NCAPD3: variants seen among roughly 807,000 people sequenced by gnomAD.
NCAPD3 encodes the protein condensin-2 complex subunit D3.
Under a neutral mutation model 182.9 loss-of-function variants are expected in NCAPD3, and 105 were observed. That is an observed-to-expected ratio of 0.57 (90% CI 0.49 to 0.68). The LOEUF (loss-of-function observed/expected upper bound fraction) is 0.68, where lower values mean the gene tolerates loss of function less well. NCAPD3 is among the 30% of genes least tolerant of loss of function. NCAPD3 has a pLI of 0.00. For missense variants in NCAPD3, 1,944 were observed against 1,837.0 expected (o/e 1.06, Z -1.07); for synonymous variants, 815 against 679.9 (o/e 1.20, Z -3.09).
At position 134,191,009 on chromosome 11, in the gene NCAPD3, A is replaced by G. The variant is rs115634436; in HGVS notation, c.2045+1680T>C. ...CCATTTGAATAATTTTCTCCTAGTT[A>G]TTCCTCTACTTCTCCATACTTCTGA... is the stretch of plus-strand genomic sequence containing the variant. On this transcript the variant is annotated intron_variant, in intron 16 of 34. Transcript: ENST00000534548. 4.2e-3 allele frequency among the ~76,000 whole-genome samples: 637 copies of G among 152,276 alleles called. 4 individuals carry two copies. The highest frequency in any genetic ancestry group is 0.015 in the African/African-American group (610 of 41,556).
chr11:134,163,577 G>C (rs1943656153), intron 27 of NCAPD3, among the ~76,000 whole-genome samples: 1 of 151,926 alleles, frequency 6.6e-6, no homozygotes, highest in African/African-American at 2.4e-5. Flanking sequence ...GCTGGTGCCT[G>C]TAGTCCCAGC....
chr11:134,185,754 A>C (rs1411775190), intron 16 of NCAPD3, among the ~76,000 whole-genome samples: 1 of 152,158 alleles, frequency 6.6e-6, no homozygotes, highest in African/African-American at 2.4e-5. Flanking sequence ...CCCTCATAAA[A>C]TATTCCTTAA....
At chr11:134,164,822 G>T (rs183271109) in intron 27 of NCAPD3, among the ~76,000 whole-genome samples, 1 of 148,126 alleles carries the variant, frequency 6.8e-6, no homozygotes, top group African/African-American at 2.5e-5. Context: ...CTCATGAAAT[G>T]ACCTTAGGGG....
At chr11:134,181,052 A>G in intron 20 of NCAPD3, 25 bp downstream of exon 20, 1 of 1,537,842 alleles carries the variant, frequency 6.5e-7, no homozygotes, top group South Asian at 1.1e-5. Flanking sequence ...AGCGAAAAGA[A>G]TGGTTAGGAA....
intron 27 of NCAPD3, among the ~76,000 whole-genome samples, chr11:134,165,121 G>A (rs1463662562): frequency 4.0e-5 from 6 of 151,462 alleles, no homozygotes; most frequent in African/African-American, 1.5e-4. Flanking sequence ...ACTCACTTGT[G>A]AGATGAGCTT....
chr11:134,155,789 T>C (rs1943402142), intron 32 of NCAPD3, among the ~76,000 whole-genome samples: 2 of 146,394 alleles, frequency 1.4e-5, no homozygotes, highest in Admixed American at 1.4e-4. Flanking sequence ...ATCGCACCTG[T>C]CCACGACGCA....
intron 19 of NCAPD3, among the ~76,000 whole-genome samples, chr11:134,181,435 A>G (rs1180028972): frequency 6.6e-6 from 1 of 152,246 alleles, no homozygotes; most frequent in Non-Finnish European, 1.5e-5. Flanking sequence ...CATTTGCCCT[A>G]TAAGAGCAAA....
chr11:134,166,279 T>G (rs1162611423), intron 27 of NCAPD3, among the ~76,000 whole-genome samples: 1 of 6,774 alleles, frequency 1.5e-4, no homozygotes, highest in Non-Finnish European at 2.7e-4. Flanking sequence ...ACTCGTGAGA[T>G]GAGCTTAGGG....
In NCAPD3 at chr11:134,192,724, A is replaced by C; in HGVS notation, c.2010T>G (p.Leu670=). The C allele has an allele frequency of 6.2e-7, 1 of 1,614,250 alleles. No homozygotes were observed. Among genetic ancestry groups the C allele is most frequent in the Non-Finnish European group, 8.5e-7 (1 of 1,180,044 alleles). The change falls in exon 16 of 35, where the codon CTT becomes CTG. Residue 670 remains leucine (L), a synonymous_variant. Coordinates refer to ENST00000534548, the MANE Select transcript of NCAPD3 (RefSeq NM_015261.3). ...GGCTTTCGGTGGTGAGGAGAGTAAGAAGCGCCCAGGCGAGGACCTGGCTGT... is the reference window on the plus strand; with the variant it reads ...GGCTTTCGGTGGTGAGGAGAGTAAGCAGCGCCCAGGCGAGGACCTGGCTGT... ...GDDSQVLAWA[L]LTLLTTESQE... is the part of the protein sequence containing the mutation.
chr11:134,197,406 A>T (rs559864343), intron 13 of NCAPD3, among the ~76,000 whole-genome samples: 3 of 150,780 alleles, frequency 2.0e-5, no homozygotes, highest in Non-Finnish European at 4.4e-5. Flanking sequence ...CCTCCTAAGT[A>T]GCTGAGATTA....
At chr11:134,193,737 G>C (rs1259746183) in intron 15 of NCAPD3, among the ~76,000 whole-genome samples, 6 of 152,204 alleles carry the variant, frequency 3.9e-5, no homozygotes, top group Non-Finnish European at 8.8e-5. Flanking sequence ...CTGAGAAACA[G>C]AGCAGGACTC....
intron 24 of NCAPD3, 95 bp from the exon 25 acceptor site, chr11:134,169,149 T>C: frequency 8.0e-7 from 1 of 1,256,188 alleles, no homozygotes; most frequent in South Asian, 1.8e-5. Context: ...AGGAGAGCTG[T>C]ACATAAGCGT....
At chr11:134,158,597 G>A (rs918738081) in intron 29 of NCAPD3, 102 bp from the exon 30 acceptor site, 4 of 1,218,288 alleles carry the variant, frequency 3.3e-6, no homozygotes, top group East Asian at 4.8e-5. Context: ...ATGAGATTTT[G>A]ATACATGTGG....
chr11:134,171,505 T>C (rs1161986304), intron 24 of NCAPD3, among the ~76,000 whole-genome samples: 1 of 151,888 alleles, frequency 6.6e-6, no homozygotes, highest in Non-Finnish European at 1.5e-5. Context: ...GACTCAAGAG[T>C]TCATGCTGAA....
rs1357424707 is a variant in NCAPD3, at chr11:134,196,373, G to A, written c.1616-1635C>T. On this transcript the variant is annotated intron_variant, in intron 13 of 34. Coordinates refer to ENST00000534548, the MANE Select transcript of NCAPD3 (RefSeq NM_015261.3). Reference sequence around the variant, plus strand: ...GAAACTAAATTAGTGGCCAGGCGCGGTGGCTCACGCCTGTAATGCCAGCTC... The same window carrying A: ...GAAACTAAATTAGTGGCCAGGCGCGATGGCTCACGCCTGTAATGCCAGCTC... Among the ~76,000 whole-genome samples, 5 of 152,272 alleles carry A rather than the reference G, an allele frequency of 3.3e-5. No individual in the cohort carries two copies. The East Asian group carries it at 9.7e-4, about 29-fold the overall frequency.
Position 134,158,070 on chromosome 11 carries a change from G to A in NCAPD3, c.4035-3C>T, listed in dbSNP as rs1210610298. 1 of 1,612,978 alleles carries A rather than the reference G, an allele frequency of 6.2e-7. No individual in the cohort carries two copies. The highest frequency in any genetic ancestry group is 2.2e-5 in the East Asian group (1 of 44,864). ...CAATGGTGCTCAGGGACATGGGCCT[G>A]TGGAGAACAGCCACAGCCGCTGACT... On this transcript the variant is annotated splice_region_variant and splice_polypyrimidine_tract_variant and intron_variant, in intron 30 of 34. Coordinates refer to ENST00000534548, the MANE Select transcript of NCAPD3 (RefSeq NM_015261.3).
chr11:134,188,011 C>T lies in NCAPD3; in HGVS notation c.2046-2485G>A, dbSNP rs527976026. 2.6e-5 allele frequency among the ~76,000 whole-genome samples: 4 copies of T among 152,286 alleles called. No homozygotes were observed. The East Asian group carries it at 5.8e-4, about 22-fold the overall frequency. On this transcript the variant is annotated intron_variant, in intron 16 of 34. Coordinates refer to ENST00000534548, the MANE Select transcript of NCAPD3 (RefSeq NM_015261.3). ...GAAGTTAAAACGTGGCTGTTAGGGT[C>T]GGCCCTAACCCAAGCTCAAGGTGAG...
chr11:134,161,913 T>C lies in NCAPD3; in HGVS notation c.3574-22A>G, dbSNP rs1203581318. 5 of 1,293,814 alleles carry C rather than the reference T, an allele frequency of 3.9e-6. No homozygotes were observed. The African/African-American group carries it at 5.0e-5, about 13-fold the overall frequency. The allele number at this position is 1,293,814 out of a possible 1,614,324, so 80.1% of individuals were successfully genotyped here. A position where few individuals can be genotyped will look rare whatever the true frequency, so the allele number is the denominator to read the frequency against. ...GAACCTGGTAACACAAACAAAGACA[T>C]GTTTTAGATGTATGAACTTCTGAAA... On this transcript the variant is annotated intron_variant, in intron 27 of 34. Coordinates refer to ENST00000534548, the MANE Select transcript of NCAPD3 (RefSeq NM_015261.3).
At chr11:134,194,930 T>A (rs1944596083) in intron 13 of NCAPD3, among the ~76,000 whole-genome samples, 192 bp from the exon 14 acceptor site, 1 of 152,218 alleles carries the variant, frequency 6.6e-6, no homozygotes, top group South Asian at 2.1e-4. Flanking sequence ...CATATAAACT[T>A]TGGAATATTA....
Sources: allele counts gnomAD v4.1 joint callset (sites outside exome capture counted in the v4.1 genomes callset), GRCh38; gene constraint gnomAD v4.1.1; transcripts MANE v1.5; gene names NCBI Gene and HGNC (gene_info 2026-07-23, HGNC 2026-07-21).